The following SLC4A5 variants were observed in gnomAD, a reference collection of about 807,000 sequenced individuals.
The protein encoded by SLC4A5 is electrogenic sodium bicarbonate cotransporter 4.
SLC4A5 carries 96 observed loss-of-function variants against 120.4 expected under a neutral mutation model. The ratio of observed to expected loss-of-function variants is 0.80; its 90% CI spans 0.68 to 0.94. The LOEUF is 0.94. SLC4A5 is among the 40% of genes least tolerant of loss of function. The pLI is 0.00. For synonymous variants in SLC4A5, 550 were observed against 571.1 expected, an observed-to-expected ratio of 0.96 and a Z score of 0.53; for missense variants, 1,259 against 1,459.5, an observed-to-expected ratio of 0.86 and a Z score of 2.24.
At chr2:74,316,361 A>G (rs528616233) in intron 5 of SLC4A5, among the ~76,000 whole-genome samples, 163 of 151,640 alleles carry the variant, frequency 1.1e-3, no homozygotes, top group Middle Eastern at 3.4e-3. Flanking sequence ...GTTGTAAACT[A>G]AAAATAAAAT....
intron 10 of SLC4A5, 125 bp downstream of exon 10, chr2:74,264,022 G>T: frequency 7.8e-7 from 1 of 1,281,064 alleles, no homozygotes; most frequent in African/African-American, 1.5e-5. Context: ...GAAGGAGGCT[G>T]AGGGATCCCC....
chr2:74,245,089 G>A (rs1171213689), intron 19 of SLC4A5, among the ~76,000 whole-genome samples: 3 of 152,176 alleles, frequency 2.0e-5, no homozygotes, highest in Non-Finnish European at 2.9e-5. Flanking sequence ...GGGAGGCCAG[G>A]GCAGGCAGAT....
chr2:74,219,981 G>A (rs900373415), intron 30 of SLC4A5, among the ~76,000 whole-genome samples: 3 of 152,146 alleles, frequency 2.0e-5, no homozygotes, highest in Non-Finnish European at 4.4e-5. Context: ...TTATAATTCA[G>A]AAGATCCCCT....
At chr2:74,223,955 C>T (rs896858998) in intron 28 of SLC4A5, among the ~76,000 whole-genome samples, 4 of 152,150 alleles carry the variant, frequency 2.6e-5, no homozygotes, top group African/African-American at 9.7e-5. Context: ...GATGCAGGGA[C>T]GTGAGTTTGG....
rs906489997 is a variant in SLC4A5 at position 74,232,037 on chromosome 2, A to G, written c.2774+432T>C. 6.6e-5 allele frequency among the ~76,000 whole-genome samples: 10 copies of G among 152,206 alleles called. No homozygotes were observed. The East Asian group carries it at 1.5e-3, about 23-fold the overall frequency. The stretch of plus-strand genomic sequence containing the variant: ...ACAGGAGTAACAGGCAGGGCCACAG[A>G]CTGGGGAGCGGGGGTGATCCCAGGA... On this transcript the variant is annotated intron_variant, in intron 24 of 30. Coordinates refer to ENST00000394019, the Ensembl canonical transcript of SLC4A5.
At chr2:74,338,241 C>A (rs1172781620) in intron 3 of SLC4A5, among the ~76,000 whole-genome samples, 1 of 152,160 alleles carries the variant, frequency 6.6e-6, no homozygotes, top group Non-Finnish European at 1.5e-5. Flanking sequence ...GGGACAGGAA[C>A]TGGGCACTGG....
intron 8 of SLC4A5, 45 bp downstream of exon 8, chr2:74,285,728 G>T: frequency 1.3e-6 from 2 of 1,598,482 alleles, no homozygotes; most frequent in South Asian, 2.2e-5. Context: ...AGCCCAGGCT[G>T]TGTGAGACTG....
intron 15 of SLC4A5, 94 bp downstream of exon 15, chr2:74,252,880 G>A: frequency 6.9e-7 from 1 of 1,446,444 alleles, no homozygotes. Flanking sequence ...GAGCCACTAT[G>A]CTGAGCCTCA....
At chr2:74,298,968 T>C (rs1672402639) in intron 7 of SLC4A5, among the ~76,000 whole-genome samples, 1 of 152,210 alleles carries the variant, frequency 6.6e-6, no homozygotes, top group Middle Eastern at 3.2e-3. Flanking sequence ...TCTTGAATTG[T>C]AGCTCCTATA....
At chr2:74,219,688 C>T (rs1291325022) in intron 30 of SLC4A5, among the ~76,000 whole-genome samples, 1 of 152,176 alleles carries the variant, frequency 6.6e-6, no homozygotes, top group Non-Finnish European at 1.5e-5. Context: ...TTTCTCTCTA[C>T]TGCCTGAAAT....
chr2:74,335,109 A>G (rs538434505), intron 3 of SLC4A5, among the ~76,000 whole-genome samples: 3 of 152,294 alleles, frequency 2.0e-5, no homozygotes, highest in Admixed American at 2.0e-4. Context: ...TCCACTTCCT[A>G]TGGGATAGCT....
At chr2:74,228,845 T>C (rs953113326) in intron 25 of SLC4A5, among the ~76,000 whole-genome samples, 1 of 152,082 alleles carries the variant, frequency 6.6e-6, no homozygotes, top group African/African-American at 2.4e-5. Flanking sequence ...AAAAATGGGA[T>C]CATAGAATTC....
At chr2:74,290,508 G>T in intron 7 of SLC4A5, 2 of 985,120 alleles carry the variant, frequency 2.0e-6, no homozygotes, top group Non-Finnish European at 2.4e-6. Context: ...AGAGAATATA[G>T]GTGTGGTAAG....
intron 7 of SLC4A5, chr2:74,290,651 A>AGAGAGAGAGAGAGAGAG: frequency 1.1e-6 from 1 of 873,702 alleles, no homozygotes; most frequent in Non-Finnish European, 1.3e-6. Flanking sequence ...GAGAGAGAGA[A>AGAGAGAGAGAGAGAGAG]GTGAGCAAGA....
At chr2:74,324,698 A>G (rs1006246722) in intron 5 of SLC4A5, among the ~76,000 whole-genome samples, 2 of 151,992 alleles carry the variant, frequency 1.3e-5, no homozygotes, top group African/African-American at 2.4e-5. Flanking sequence ...TTTTTTTCCC[A>G]TAGACAACCA....
At chr2:74,306,770 G>C (rs868303332) in intron 6 of SLC4A5, 2 of 946,146 alleles carry the variant, frequency 2.1e-6, no homozygotes, top group Non-Finnish European at 1.6e-6. Context: ...ACACCACTTT[G>C]CCATCCACTA....
At chr2:74,285,438 T>C (rs1260791587) in intron 8 of SLC4A5, among the ~76,000 whole-genome samples, 3 of 152,166 alleles carry the variant, frequency 2.0e-5, no homozygotes, top group East Asian at 1.9e-4. Context: ...ACTGGGAGAC[T>C]TGAATATATG....
intron 5 of SLC4A5, among the ~76,000 whole-genome samples, chr2:74,320,273 C>G (rs969922611): frequency 3.9e-5 from 6 of 152,034 alleles, no homozygotes; most frequent in African/African-American, 1.4e-4. Context: ...ACTGAAAGAT[C>G]TGGAAGAATT....
At chr2:74,256,318 A>C (rs1670963686) in intron 12 of SLC4A5, among the ~76,000 whole-genome samples, 1 of 152,214 alleles carries the variant, frequency 6.6e-6, no homozygotes, top group African/African-American at 2.4e-5. Context: ...TCAGCCACCC[A>C]GACCTCCCCT....
Sources: allele counts gnomAD v4.1 joint callset (sites outside exome capture counted in the v4.1 genomes callset), GRCh38; gene constraint gnomAD v4.1.1; transcripts MANE v1.5; gene names NCBI Gene and HGNC (gene_info 2026-07-23, HGNC 2026-07-21).